PKNOX2: variants seen among roughly 807,000 people sequenced by gnomAD.
The protein encoded by PKNOX2 is homeobox protein PKNOX2.
PKNOX2 carries 14 observed loss-of-function variants against 53.1 expected under a neutral mutation model. That is an observed-to-expected ratio of 0.26 (90% confidence interval 0.17 to 0.41). The LOEUF is 0.41. PKNOX2 is among the 10% of genes least tolerant of loss of function. The probability of loss-of-function intolerance (pLI) is 1.00; values close to 1 mark genes in which losing one functional copy is unlikely to be tolerated. For missense variants in PKNOX2, 496 were observed against 602.8 expected (o/e 0.82, Z 1.85); for synonymous variants, 257 against 242.8 (o/e 1.06, Z -0.54).
Position 125,349,863 on chromosome 11 carries a change from A to ACACACACACACACG in PKNOX2, c.-22-1408_-22-1407insGCACACACACACAC, listed in dbSNP as rs1256739396. Among the ~76,000 whole-genome samples, 3 of 148,108 alleles carry ACACACACACACACG rather than the reference A, an allele frequency of 2.0e-5. 1 individual carries two copies. Among genetic ancestry groups the ACACACACACACACG allele is most frequent in the Non-Finnish European group, 4.4e-5 (3 of 67,904 alleles). On this transcript the variant is annotated intron_variant, in intron 3 of 12. Coordinates refer to ENST00000298282, the MANE Select transcript of PKNOX2 (RefSeq NM_001382323.2). ...CACACACACACACACACACACACAC[A>ACACACACACACACG]CACACACACACACAGCCCTGGAGGC...
chr11:125,238,580 T>C (rs990207059), intron 2 of PKNOX2, among the ~76,000 whole-genome samples: 20 of 152,206 alleles, frequency 1.3e-4, no homozygotes, highest in Non-Finnish European at 2.9e-4. Context: ...CCTCTGTAAA[T>C]GGAAATGTCT....
chr11:125,273,277 T>C (rs968940854), intron 2 of PKNOX2, among the ~76,000 whole-genome samples: 15 of 152,024 alleles, frequency 9.9e-5, no homozygotes, highest in Admixed American at 2.0e-4. Context: ...TGAAAATGAA[T>C]GAAGGCTCAG....
intron 4 of PKNOX2, among the ~76,000 whole-genome samples, chr11:125,351,751 G>C (rs1202403527): frequency 6.6e-6 from 1 of 152,038 alleles, no homozygotes; most frequent in African/African-American, 2.4e-5. Flanking sequence ...GGATGTGAGC[G>C]GAACCGCCCT....
chr11:125,207,207 CCCTT>C (rs1355588132), intron 1 of PKNOX2, among the ~76,000 whole-genome samples: 1 of 152,008 alleles, frequency 6.6e-6, no homozygotes, highest in East Asian at 1.9e-4. Flanking sequence ...CTCTCTCTTT[CCCTT>C]CCTTCCACCC....
intron 1 of PKNOX2, among the ~76,000 whole-genome samples, chr11:125,189,271 G>A (rs925979590): frequency 2.0e-5 from 3 of 149,406 alleles, no homozygotes; most frequent in Non-Finnish European, 4.4e-5. Flanking sequence ...TGGAGTTATC[G>A]GTTCATGATG....
chr11:125,303,415 C>T (rs1172783272), intron 2 of PKNOX2, among the ~76,000 whole-genome samples: 1 of 152,158 alleles, frequency 6.6e-6, no homozygotes. Context: ...CTGGTCACAG[C>T]CCCAGCCCCC....
At chr11:125,229,783 G>T (rs529483047) in intron 1 of PKNOX2, among the ~76,000 whole-genome samples, 1 of 152,250 alleles carries the variant, frequency 6.6e-6, no homozygotes, top group African/African-American at 2.4e-5. Flanking sequence ...GCCAGGGGGG[G>T]CTTGCTTGTG....
intron 2 of PKNOX2, among the ~76,000 whole-genome samples, chr11:125,235,986 G>A (rs1315116807): frequency 6.6e-6 from 1 of 152,210 alleles, no homozygotes; most frequent in Non-Finnish European, 1.5e-5. Context: ...GCTGCTTATG[G>A]GGCTACCTGA....
chr11:125,428,553 G>A (rs1410119031), intron 10 of PKNOX2, among the ~76,000 whole-genome samples: 2 of 152,086 alleles, frequency 1.3e-5, no homozygotes, highest in Non-Finnish European at 1.5e-5. Context: ...CATAAATCTG[G>A]GCACATAGTA....
chr11:125,220,521 G>A (rs79125907), intron 1 of PKNOX2, among the ~76,000 whole-genome samples: 16,742 of 152,070 alleles, frequency 0.11, 2,066 homozygotes, highest in East Asian at 0.32. Flanking sequence ...TCCAGACATG[G>A]GTACCTGGTG....
intron 2 of PKNOX2, among the ~76,000 whole-genome samples, chr11:125,304,844 A>T (rs904702620): frequency 6.6e-6 from 1 of 152,220 alleles, no homozygotes; most frequent in African/African-American, 2.4e-5. Context: ...ACATCTGTGA[A>T]GAAAACAAAC....
chr11:125,367,052 A>G (rs975947048), intron 4 of PKNOX2, among the ~76,000 whole-genome samples: 1 of 152,186 alleles, frequency 6.6e-6, no homozygotes, highest in East Asian at 1.9e-4. Flanking sequence ...TCACACTTTT[A>G]GAGATTTCTT....
chr11:125,379,813 A>G (rs1354601556), intron 5 of PKNOX2, among the ~76,000 whole-genome samples: 1 of 152,222 alleles, frequency 6.6e-6, no homozygotes, highest in Non-Finnish European at 1.5e-5. Flanking sequence ...TGTCAGAAGT[A>G]ATTAAACCCA....
chr11:125,320,670 G>A (rs542282291), intron 2 of PKNOX2, among the ~76,000 whole-genome samples: 1 of 152,292 alleles, frequency 6.6e-6, no homozygotes, highest in East Asian at 1.9e-4. Context: ...CTTGTGTCTA[G>A]CTTCGGACCA....
intron 1 of PKNOX2, among the ~76,000 whole-genome samples, chr11:125,228,024 C>T (rs1400600815): frequency 6.6e-6 from 1 of 150,518 alleles, no homozygotes; most frequent in Non-Finnish European, 1.5e-5. Context: ...TAGAACCCAG[C>T]TCAGCCGTGT....
intron 10 of PKNOX2, among the ~76,000 whole-genome samples, chr11:125,417,090 C>CG: frequency 6.6e-6 from 1 of 152,196 alleles, no homozygotes; most frequent in East Asian, 1.9e-4. Context: ...GGCCACACTC[C>CG]TGCTGGAAGC....
intron 3 of PKNOX2, among the ~76,000 whole-genome samples, chr11:125,347,440 A>C (rs1433078576): frequency 6.6e-6 from 1 of 152,132 alleles, no homozygotes; most frequent in African/African-American, 2.4e-5. Context: ...TCATGTCAAC[A>C]AGTCCTAATG....
intron 1 of PKNOX2, among the ~76,000 whole-genome samples, chr11:125,193,758 G>A (rs2135362272): frequency 6.6e-6 from 1 of 152,294 alleles, no homozygotes; most frequent in African/African-American, 2.4e-5. Flanking sequence ...GTAAGACGTG[G>A]GGCTGGATGA....
In PKNOX2 at chr11:125,240,604, C is replaced by T. The variant is rs1943072584; in HGVS notation, c.-130+5489C>T. Among the ~76,000 whole-genome samples, 1 of 152,132 alleles carries T rather than the reference C, an allele frequency of 6.6e-6. No homozygotes were observed. The highest frequency in any genetic ancestry group is 1.5e-5 in the Non-Finnish European group (1 of 68,026). ...TCGCCTTTCTTCATCCACTGAAATGCAGTTCTAAATCCTTGTCCAGCCTGA... is the reference window on the plus strand; with the variant it reads ...TCGCCTTTCTTCATCCACTGAAATGTAGTTCTAAATCCTTGTCCAGCCTGA... On this transcript the variant is annotated intron_variant, in intron 2 of 12. Transcript: ENST00000298282. The surrounding 1 kb of genome is among the most constrained non-coding windows in gnomAD (Gnocchi z 4.3).
Sources: gnomAD v4.1 joint callset for allele counts (sites outside exome capture counted in the v4.1 genomes callset) on GRCh38, gnomAD v4.1.1 for gene constraint, Gnocchi (gnomAD v3.1) non-coding constraint, MANE v1.5 for transcripts, NCBI Gene and HGNC (gene_info 2026-07-23, HGNC 2026-07-21) for gene names.